MTERF2: variants seen among roughly 807,000 people sequenced by gnomAD.
MTERF2 encodes the protein mitochondrial transcription termination factor 2.
Under a neutral mutation model 29.2 loss-of-function variants are expected in MTERF2, and 23 were observed. That is an observed-to-expected ratio of 0.79 (90% confidence interval 0.57 to 1.12). MTERF2 has a LOEUF of 1.12. MTERF2 is among the 50% of genes most tolerant of loss of function. MTERF2 has a pLI of 0.00. For synonymous variants in MTERF2, 157 were observed against 159.5 expected, an observed-to-expected ratio of 0.98 and a Z score of 0.12; for missense variants, 440 against 429.4, an observed-to-expected ratio of 1.02 and a Z score of -0.22.
At position 106,978,352 on chromosome 12, in the gene MTERF2, C is replaced by G; in HGVS notation, c.363G>C (p.Leu121Phe). The G allele has an allele frequency of 6.2e-7, 1 of 1,613,942 alleles. No individual in the cohort carries two copies. Among genetic ancestry groups the G allele is most frequent in the Non-Finnish European group, 8.5e-7 (1 of 1,179,994 alleles). ...TTAACTCTTCCTCATTTTTGCAGAC[C>G]AACTGCCAGAGTTTTCTCTGGGTGT... ...AVNTQRKLWQ[L>F]VCKNEEELIK... Residue 121 changes from leucine (L) to phenylalanine (F), a missense_variant, in exon 3 of 3, where the codon TTG becomes TTC. Physicochemically the swap from Leu to Phe is conservative, Grantham distance 22. Coordinates refer to ENST00000240050, the MANE Select transcript of MTERF2 (RefSeq NM_001033050.3).
chr12:106,977,617 A>G lies in MTERF2; in HGVS notation c.1098T>C (p.Ile366=). ...KKEFEANFGK[I]QAKKVRPLFN... Reference sequence around the variant, plus strand: ...ATAATGGCCTTACTTTTTTGGCCTGAATTTTGCCAAAATTAGCTTCAAACT... The same window carrying G: ...ATAATGGCCTTACTTTTTTGGCCTGGATTTTGCCAAAATTAGCTTCAAACT... Residue 366 remains isoleucine (I), a synonymous_variant, in exon 3 of 3, where the codon ATT becomes ATC. Transcript: ENST00000240050. 1 of 1,613,574 alleles carries G rather than the reference A, an allele frequency of 6.2e-7. No homozygotes were observed. The highest frequency in any genetic ancestry group is 1.3e-5 in the African/African-American group (1 of 74,994).
At position 106,978,235 on chromosome 12, in the gene MTERF2, T is replaced by A. The variant is rs1952011633; in HGVS notation, c.480A>T (p.Gly160=). ...KLNVQFFQEL[G]LKNVVISRLL... is the part of the protein sequence containing the mutation. ...GTCTGCTAATGACCACATTTTTTAG[T>A]CCCAACTCTTGAAAGAACTGAACAT... The change falls in exon 3 of 3, where the codon GGA becomes GGT. Residue 160 remains glycine (G), a synonymous_variant. Coordinates refer to ENST00000240050, the MANE Select transcript of MTERF2 (RefSeq NM_001033050.3). 6.2e-7 allele frequency: 1 copy of A among 1,613,724 alleles called. No homozygotes were observed. Among genetic ancestry groups the A allele is most frequent in the African/African-American group, 1.3e-5 (1 of 74,904 alleles).
In MTERF2 at chr12:106,978,790, A is replaced by T. The variant is rs888533207; in HGVS notation, c.-57-19T>A. 38 of 1,375,686 alleles carry T rather than the reference A, an allele frequency of 2.8e-5. 1 individual carries two copies. The South Asian group carries it at 5.3e-4, about 19-fold the overall frequency. 85.2% of individuals were successfully genotyped at this position (1,375,686 alleles called of 1,614,324 possible). On this transcript the variant is annotated intron_variant, in intron 2 of 2. Coordinates refer to ENST00000240050, the MANE Select transcript of MTERF2 (RefSeq NM_001033050.3). ...ATTCTATCTGAAAAAAAGAAAATAA[A>T]GGTTTTTAGTATAAGGGTGTTGACT...
In MTERF2 at chr12:106,977,952, G is replaced by T. The variant is rs748590481; in HGVS notation, c.763C>A (p.Leu255Ile). 2 of 1,612,698 alleles carry T rather than the reference G, an allele frequency of 1.2e-6. No individual in the cohort carries two copies. Among genetic ancestry groups the T allele is most frequent in the East Asian group, 2.2e-5 (1 of 44,882 alleles). Residue 255 changes from leucine (L) to isoleucine (I), a missense_variant, in exon 3 of 3, where the codon CTT (leucine) becomes ATT (isoleucine). Leu to Ile is a conservative substitution (Grantham distance 5). Coordinates refer to ENST00000240050, the MANE Select transcript of MTERF2 (RefSeq NM_001033050.3). ...ATACTTCTTGGGCAAAGTTGAAAAA[G>T]AAATCCTTTGAGTTTGGATAGAAGC... ...LQLLSKLKGF[L>I]FQLCPRSIQN...
At chr12:106,983,215 A>G (rs571880963) in intron 2 of MTERF2, among the ~76,000 whole-genome samples, 27 of 152,308 alleles carry the variant, frequency 1.8e-4, no homozygotes, top group African/African-American at 6.3e-4. Flanking sequence ...CAAGTGTACC[A>G]TTCAGTGGCT....
In MTERF2 at chr12:106,977,474, G is replaced by T; in HGVS notation, c.*83C>A. On this transcript the variant is annotated 3_prime_UTR_variant, in exon 3 of 3. Coordinates refer to ENST00000240050, the MANE Select transcript of MTERF2 (RefSeq NM_001033050.3). The stretch of plus-strand genomic sequence containing the variant: ...GCTAAGCAGGTTCTTAAAATTACTG[G>T]TGTCTACAAACTGCCTGAATTTTTG... 1 of 1,233,906 alleles carries T rather than the reference G, an allele frequency of 8.1e-7. No homozygotes were observed. The highest frequency in any genetic ancestry group is 1.1e-6 in the Non-Finnish European group (1 of 884,764). The allele number at this position is 1,233,906 out of a possible 1,614,324, so 76.4% of individuals were successfully genotyped here. A position where few individuals can be genotyped will look rare whatever the true frequency, so the allele number is the denominator to read the frequency against.
chr12:106,985,902 G>A (rs1300805372), intron 1 of MTERF2: 1 of 152,188 alleles, frequency 6.6e-6, no homozygotes, highest in Non-Finnish European at 1.5e-5. Flanking sequence ...TTGGATCACA[G>A]ATCAACTCAG....
intron 2 of MTERF2, among the ~76,000 whole-genome samples, chr12:106,981,446 C>G (rs2136795993): frequency 6.6e-6 from 1 of 152,262 alleles, no homozygotes; most frequent in Non-Finnish European, 1.5e-5. Flanking sequence ...AGTAGTATGA[C>G]TTTAAATTGT....
At chr12:106,982,779 C>T (rs1180195272) in intron 2 of MTERF2, among the ~76,000 whole-genome samples, 1 of 152,094 alleles carries the variant, frequency 6.6e-6, no homozygotes, top group Non-Finnish European at 1.5e-5. Flanking sequence ...AGAGGAGATA[C>T]GTGAACACTG....
intron 2 of MTERF2, among the ~76,000 whole-genome samples, chr12:106,980,188 C>A (rs1002935897): frequency 2.0e-5 from 3 of 152,088 alleles, no homozygotes; most frequent in African/African-American, 7.2e-5. Context: ...GGGCCCCCAC[C>A]CCTGGCCATA....
rs1389371728 is a variant in MTERF2 at position 106,978,096 on chromosome 12, C to T, written c.619G>A (p.Val207Ile). Residue 207 changes from valine (V) to isoleucine (I), a missense_variant, in exon 3 of 3, where the codon GTT (valine) becomes ATT (isoleucine). By Grantham distance (29) the Val-to-Ile change is conservative. Coordinates refer to ENST00000240050, the MANE Select transcript of MTERF2 (RefSeq NM_001033050.3). ...TGGCTTAACAATTTTAGTAGCCAAA[C>T]TTTCATGTTGGCCTCAGAGCCACCT... ...DVGGSEANMK[V>I]WLLKLLSQNP... 1.2e-6 allele frequency: 2 copies of T among 1,614,036 alleles called. No individual in the cohort carries two copies. The highest frequency in any genetic ancestry group is 1.7e-6 in the Non-Finnish European group (2 of 1,179,998).
rs554207190 is a variant in MTERF2 at position 106,979,826 on chromosome 12, T to A, written c.-57-1055A>T. ...ATAGGGGCAGCAAAACACCTCCATCTTCTTAGGGTCGTGGCAGGACCCGAG... is the reference window on the plus strand; with the variant it reads ...ATAGGGGCAGCAAAACACCTCCATCATCTTAGGGTCGTGGCAGGACCCGAG... On this transcript the variant is annotated intron_variant, in intron 2 of 2. Transcript: ENST00000240050. Among the ~76,000 whole-genome samples the A allele has an allele frequency of 1.1e-3, 169 of 152,310 alleles. 3 individuals are homozygous for A. The highest frequency in any genetic ancestry group is 6.0e-3 in the South Asian group (29 of 4,830).
chr12:106,978,579 T>G lies in MTERF2; in HGVS notation c.136A>C (p.Thr46Pro), dbSNP rs766560436. The change falls in exon 3 of 3, where the codon ACA (threonine) becomes CCA (proline). Residue 46 changes from threonine (T) to proline (P), a missense_variant. Coordinates refer to ENST00000240050, the MANE Select transcript of MTERF2 (RefSeq NM_001033050.3). ...TTATAGAGCTTTTCCACTGTTCTTGTATTTTCTTTGCTCGACTGTTTATCA... is the reference window on the plus strand; with the variant it reads ...TTATAGAGCTTTTCCACTGTTCTTGGATTTTCTTTGCTCGACTGTTTATCA... Reference protein sequence around the residue: ...TTDKQSSKENTRTVEKLYKCS... With the variant: ...TTDKQSSKENPRTVEKLYKCS... The G allele has an allele frequency of 5.0e-6, 8 of 1,614,138 alleles. No homozygotes were observed. In the South Asian group the frequency reaches 7.7e-5, roughly 16 times the overall value.
Position 106,977,914 on chromosome 12 carries a change from A to T in MTERF2, c.801T>A (p.Ile267=). 6.2e-7 allele frequency: 1 copy of T among 1,614,078 alleles called. No homozygotes were observed. The highest frequency in any genetic ancestry group is 8.5e-7 in the Non-Finnish European group (1 of 1,179,996). ...QLCPRSIQNS[I]SFSKNAFKCT... is the part of the protein sequence containing the mutation. Reference sequence around the variant, plus strand: ...ATTTAAAAGCATTTTTAGAGAAGGAAATACTATTCTGTATACTTCTTGGGC... The same window carrying T: ...ATTTAAAAGCATTTTTAGAGAAGGATATACTATTCTGTATACTTCTTGGGC... Residue 267 remains isoleucine, a synonymous_variant, in exon 3 of 3, where the codon ATT becomes ATA. Coordinates refer to ENST00000240050, the MANE Select transcript of MTERF2 (RefSeq NM_001033050.3).
chr12:106,982,695 T>A (rs1032156684), intron 2 of MTERF2, among the ~76,000 whole-genome samples: 3 of 152,250 alleles, frequency 2.0e-5, no homozygotes, highest in African/African-American at 7.2e-5. Flanking sequence ...ATTTTTGCTA[T>A]ATGCTGAATA....
chr12:106,985,656 C>T (rs1952104443), intron 1 of MTERF2: 1 of 152,290 alleles, frequency 6.6e-6, no homozygotes, highest in Admixed American at 6.5e-5. Context: ...AACTGCTTCC[C>T]TATCCTTCAC....
chr12:106,977,811 T>G lies in MTERF2; in HGVS notation c.904A>C (p.Arg302=), dbSNP rs1459725734. 2 of 1,613,980 alleles carry G rather than the reference T, an allele frequency of 1.2e-6. No homozygotes were observed. The highest frequency in any genetic ancestry group is 3.3e-5 in the Admixed American group (2 of 60,022). ...CCTTCTCTCAATAATCCTTGCATTC[T>G]CTCTTCTAAAACTGGAACAGAATAA... The part of the protein sequence containing the change: ...LYYSVPVLEE[R]MQGLLREGIS... Residue 302 remains arginine, a synonymous_variant, in exon 3 of 3, where the codon AGA becomes CGA. Transcript: ENST00000240050.
rs1318195674 is a variant in MTERF2 at position 106,977,333 on chromosome 12, T to C, written c.*224A>G. The stretch of plus-strand genomic sequence containing the variant: ...TTTAATAGTATATGAGTTTTTGAAA[T>C]AATGGTTCAAGGTAAAAGTTACCAA... On this transcript the variant is annotated 3_prime_UTR_variant, in exon 3 of 3. Coordinates refer to ENST00000240050, the MANE Select transcript of MTERF2 (RefSeq NM_001033050.3). 1 of 411,484 alleles carries C rather than the reference T, an allele frequency of 2.4e-6. No homozygotes were observed. Among genetic ancestry groups the C allele is most frequent in the Non-Finnish European group, 4.2e-6 (1 of 235,510 alleles). 25.5% of individuals were successfully genotyped at this position (411,484 alleles called of 1,614,324 possible). A position where few individuals can be genotyped will look rare whatever the true frequency, so the allele number is the denominator to read the frequency against.
chr12:106,983,256 G>A (rs962687147), intron 2 of MTERF2, among the ~76,000 whole-genome samples: 3 of 152,028 alleles, frequency 2.0e-5, no homozygotes, highest in Admixed American at 1.3e-4. Flanking sequence ...GTACCACCAT[G>A]ACCACTATCC....
Sources: allele counts gnomAD v4.1 joint callset (sites outside exome capture counted in the v4.1 genomes callset), GRCh38; gene constraint gnomAD v4.1.1; transcripts MANE v1.5; gene names NCBI Gene and HGNC (gene_info 2026-07-23, HGNC 2026-07-21).